GALNTL6: variants seen among roughly 807,000 people sequenced by gnomAD.
The protein encoded by GALNTL6 is polypeptide N-acetylgalactosaminyltransferase like 6.
Under a neutral mutation model 73.7 loss-of-function variants are expected in GALNTL6, and 46 were observed. That is an observed-to-expected ratio of 0.62 (90% CI 0.49 to 0.80). GALNTL6 has a LOEUF of 0.80. Among genes scored for constraint, GALNTL6 ranks in the 30% least tolerant of loss-of-function variants. The probability of loss-of-function intolerance (pLI) is 0.00; values close to 1 mark genes in which losing one functional copy is unlikely to be tolerated. For synonymous variants in GALNTL6, 259 were observed against 263.7 expected (o/e 0.98, Z 0.17); for missense variants, 604 against 755.0 (o/e 0.80, Z 2.34).
At chr4:172,467,524 G>C (rs1732866281) in intron 5 of GALNTL6, among the ~76,000 whole-genome samples, 1 of 152,120 alleles carries the variant, frequency 6.6e-6, no homozygotes, top group African/African-American at 2.4e-5. Context: ...TTGTCACATG[G>C]CAGTGTCAAG....
chr4:172,447,768 G>A (rs114481808), intron 5 of GALNTL6, among the ~76,000 whole-genome samples: 41 of 151,936 alleles, frequency 2.7e-4, no homozygotes, highest in Admixed American at 2.2e-3. Context: ...CTTAATGTGG[G>A]TCAGAGCCTA....
At chr4:172,439,067 C>A (rs370377536) in intron 5 of GALNTL6, among the ~76,000 whole-genome samples, 9 of 151,848 alleles carry the variant, frequency 5.9e-5, no homozygotes, top group East Asian at 3.9e-4. Context: ...TCCCTCCATA[C>A]TGGATCATTT....
intron 5 of GALNTL6, among the ~76,000 whole-genome samples, chr4:172,715,045 T>C (rs1734981383): frequency 6.6e-6 from 1 of 152,090 alleles, no homozygotes; most frequent in African/African-American, 2.4e-5. Flanking sequence ...GTCAACAAAA[T>C]TCATTAAGAT....
At chr4:172,310,909 AAAAC>A (rs1436754851) in intron 3 of GALNTL6, among the ~76,000 whole-genome samples, 6 of 152,082 alleles carry the variant, frequency 3.9e-5, no homozygotes, top group African/African-American at 1.4e-4. Context: ...TAGTATGTAA[AAAAC>A]AAAAACTGTT....
intron 12 of GALNTL6, among the ~76,000 whole-genome samples, chr4:173,026,551 G>A (rs1289446021): frequency 6.6e-6 from 1 of 152,234 alleles, no homozygotes; most frequent in African/African-American, 2.4e-5. Flanking sequence ...GCACTGCCAA[G>A]AATCCAGGTG....
intron 2 of GALNTL6, among the ~76,000 whole-genome samples, chr4:172,062,470 C>T (rs981295203): frequency 2.0e-5 from 3 of 152,114 alleles, no homozygotes; most frequent in Non-Finnish European, 4.4e-5. Context: ...TACCTTTCCC[C>T]AACCTCATGT....
chr4:172,529,875 A>C (rs1374239145), intron 5 of GALNTL6, among the ~76,000 whole-genome samples: 1 of 144,438 alleles, frequency 6.9e-6, no homozygotes, highest in Non-Finnish European at 1.5e-5. Flanking sequence ...TTATTTATTT[A>C]TTTATTTATT....
At chr4:172,537,819 G>A (rs1314000513) in intron 5 of GALNTL6, among the ~76,000 whole-genome samples, 2 of 152,174 alleles carry the variant, frequency 1.3e-5, no homozygotes, top group African/African-American at 2.4e-5. Flanking sequence ...GTGAAACCAA[G>A]ATAACAGAAG....
intron 9 of GALNTL6, among the ~76,000 whole-genome samples, chr4:172,936,288 A>G (rs139548016): frequency 1.8e-4 from 28 of 152,332 alleles, no homozygotes; most frequent in African/African-American, 6.5e-4. Context: ...TCTCAAAATA[A>G]TGAGAGCTAT....
At chr4:172,191,592 A>G (rs1560962073) in intron 2 of GALNTL6, among the ~76,000 whole-genome samples, 2 of 152,212 alleles carry the variant, frequency 1.3e-5, no homozygotes, top group Non-Finnish European at 2.9e-5. Context: ...ACTGAAATGC[A>G]TGACTTAATG....
intron 3 of GALNTL6, among the ~76,000 whole-genome samples, chr4:172,236,387 G>A (rs767646160): frequency 4.6e-5 from 7 of 151,840 alleles, no homozygotes; most frequent in African/African-American, 1.2e-4. Flanking sequence ...GTGAAACCCC[G>A]TCTCTACTAA....
chr4:172,232,673 C>G (rs1421193138), intron 3 of GALNTL6, among the ~76,000 whole-genome samples: 1 of 152,022 alleles, frequency 6.6e-6, no homozygotes, highest in African/African-American at 2.4e-5. Context: ...TGCTGTACAT[C>G]CTTGTGAATA....
At chr4:172,608,137 A>T (rs953361440) in intron 5 of GALNTL6, among the ~76,000 whole-genome samples, 2 of 152,124 alleles carry the variant, frequency 1.3e-5, no homozygotes, top group Non-Finnish European at 2.9e-5. Context: ...TAGTTTAATT[A>T]GGTCCCATTT....
chr4:172,616,766 G>C (rs1738752084), intron 5 of GALNTL6, among the ~76,000 whole-genome samples: 1 of 152,048 alleles, frequency 6.6e-6, no homozygotes, highest in Non-Finnish European at 1.5e-5. Context: ...TAAGGGTCTT[G>C]GGATCCAGTT....
intron 2 of GALNTL6, among the ~76,000 whole-genome samples, chr4:172,179,695 C>T (rs1735171280): frequency 6.7e-6 from 1 of 150,198 alleles, no homozygotes; most frequent in African/African-American, 2.5e-5. Flanking sequence ...CTTTTGTTGC[C>T]ATTGCTTTTG....
chr4:172,818,497 A>T (rs897909708), intron 7 of GALNTL6, among the ~76,000 whole-genome samples: 1 of 152,220 alleles, frequency 6.6e-6, no homozygotes, highest in Non-Finnish European at 1.5e-5. Context: ...TAGACTTATT[A>T]GTGAGAACTG....
intron 5 of GALNTL6, among the ~76,000 whole-genome samples, chr4:172,644,094 A>G (rs1380009971): frequency 6.6e-6 from 1 of 151,910 alleles, no homozygotes; most frequent in African/African-American, 2.4e-5. Context: ...GGGTATGTGT[A>G]ATGGTATCAT....
intron 2 of GALNTL6, among the ~76,000 whole-genome samples, chr4:171,983,031 C>G (rs1159132616): frequency 1.3e-5 from 2 of 152,080 alleles, no homozygotes; most frequent in African/African-American, 4.8e-5. Context: ...TGCACTTTCT[C>G]TAAATATTGA....
chr4:172,518,414 C>T (rs1273035951), intron 5 of GALNTL6, among the ~76,000 whole-genome samples: 1 of 151,826 alleles, frequency 6.6e-6, no homozygotes, highest in Non-Finnish European at 1.5e-5. Flanking sequence ...AGATTGAAGG[C>T]TTATTCATTT....
Sources: gnomAD v4.1 joint callset for allele counts (sites outside exome capture counted in the v4.1 genomes callset) on GRCh38, gnomAD v4.1.1 for gene constraint, MANE v1.5 for transcripts, NCBI Gene and HGNC (gene_info 2026-07-23, HGNC 2026-07-21) for gene names.